The following PDE7A variants were observed in gnomAD, a reference collection of about 807,000 sequenced individuals.
The protein encoded by PDE7A is phosphodiesterase 7A, also known as high affinity 3',5'-cyclic-AMP phosphodiesterase 7A.
In PDE7A, 39 loss-of-function variants were observed where a neutral mutation model predicts 64.3. The observed-to-expected ratio is 0.61, with a 90% CI of 0.47 to 0.79. PDE7A has a LOEUF of 0.79. Ranked by LOEUF, PDE7A falls within the 30% of genes least tolerant of loss-of-function variation. PDE7A has a pLI of 0.00. For synonymous variants in PDE7A, 203 were observed against 206.8 expected (o/e 0.98, Z 0.16); for missense variants, 470 against 582.8 (o/e 0.81, Z 1.99).
Position 65,714,991 on chromosome 8 carries a change from G to A in PDE7A, c.*4299C>T, listed in dbSNP as rs1806075172. On this transcript the variant is annotated 3_prime_UTR_variant, in exon 13 of 13. Transcript: ENST00000401827. Reference sequence around the variant, plus strand: ...AACCAATTTTTCTTTTTTAAAGTTAGGACTTGTCAAAATTTTCTCTCCAAG... The same window carrying A: ...AACCAATTTTTCTTTTTTAAAGTTAAGACTTGTCAAAATTTTCTCTCCAAG... Among the ~76,000 whole-genome samples, 1 of 151,908 alleles carries A rather than the reference G, an allele frequency of 6.6e-6. No individual in the cohort carries two copies. Among genetic ancestry groups the A allele is most frequent in the South Asian group, 2.1e-4 (1 of 4,822 alleles).
chr8:65,752,934 A>G (rs1453796442), intron 3 of PDE7A, among the ~76,000 whole-genome samples: 3 of 151,960 alleles, frequency 2.0e-5, no homozygotes, highest in Non-Finnish European at 4.4e-5. Context: ...CTTCCTTTCC[A>G]TGATATATTT....
At chr8:65,811,712 G>A (rs1810262974) in intron 1 of PDE7A, among the ~76,000 whole-genome samples, 1 of 152,030 alleles carries the variant, frequency 6.6e-6, no homozygotes, top group Non-Finnish European at 1.5e-5. Flanking sequence ...AACAATTCCA[G>A]TAAAAATACT....
chr8:65,824,156 T>C (rs1227204287), intron 1 of PDE7A, among the ~76,000 whole-genome samples: 1 of 152,200 alleles, frequency 6.6e-6, no homozygotes, highest in Non-Finnish European at 1.5e-5. Context: ...TCACTTCTTA[T>C]CTCTATGTCA....
intron 3 of PDE7A, among the ~76,000 whole-genome samples, chr8:65,776,573 T>G (rs1809266001): frequency 6.6e-6 from 1 of 152,216 alleles, no homozygotes; most frequent in Non-Finnish European, 1.5e-5. Context: ...TTATCTTTAA[T>G]TTTTCTATGT....
chr8:65,726,147 G>GA (rs1292267443), intron 9 of PDE7A, among the ~76,000 whole-genome samples: 2 of 152,070 alleles, frequency 1.3e-5, no homozygotes, highest in East Asian at 3.8e-4. Context: ...CACTTTTCTT[G>GA]AAGTGGATGG....
chr8:65,805,891 T>G (rs2128928843), intron 1 of PDE7A, among the ~76,000 whole-genome samples: 1 of 152,350 alleles, frequency 6.6e-6, no homozygotes, highest in South Asian at 2.1e-4. Flanking sequence ...TATTATACTT[T>G]AAAACTTATA....
intron 12 of PDE7A, chr8:65,719,738 C>G (rs1806295059): frequency 1.0e-5 from 5 of 491,830 alleles, no homozygotes; most frequent in Admixed American, 3.3e-5. Flanking sequence ...TATATCTAAC[C>G]TTTTCTGGTT....
At chr8:65,803,517 T>C (rs892105464) in intron 1 of PDE7A, among the ~76,000 whole-genome samples, 68 of 152,322 alleles carry the variant, frequency 4.5e-4, no homozygotes, top group African/African-American at 1.6e-3. Context: ...TCCCAAGTGT[T>C]TGACAGTCTA....
At chr8:65,765,812 G>A (rs1366718240) in intron 3 of PDE7A, 1 of 152,008 alleles carries the variant, frequency 6.6e-6, no homozygotes, top group Non-Finnish European at 1.5e-5. Flanking sequence ...AATTCTAATG[G>A]GCATGCATAA....
In PDE7A at chr8:65,739,532, A is replaced by G; in HGVS notation, c.565T>C (p.Leu189=). Residue 189 remains leucine, a synonymous_variant, in exon 6 of 13, where the codon TTA becomes CTA. Coordinates refer to ENST00000401827, the MANE Select transcript of PDE7A (RefSeq NM_001242318.3). ...SLHGLIEYFH[L]DMMKLRRFLV... ...AATCTACGAAGTTTCATCATATCTA[A>G]ATGGAAGTACTCAATTAATCCATGA... is the stretch of plus-strand genomic sequence containing the variant. 5.7e-6 allele frequency: 9 copies of G among 1,570,950 alleles called. No homozygotes were observed. Among genetic ancestry groups the G allele is most frequent in the Non-Finnish European group, 7.7e-6 (9 of 1,163,336 alleles).
rs1281924806 is a variant in PDE7A at position 65,777,140 on chromosome 8, T to C, written c.283+2580A>G. ...TCTTGTTGCCCAGACTGGAGTGCAA[T>C]GCAATCCTGGCTAACCGCAACCTCT... is the stretch of plus-strand genomic sequence containing the variant. On this transcript the variant is annotated intron_variant, in intron 3 of 12. Transcript: ENST00000401827. 2.1e-5 allele frequency among the ~76,000 whole-genome samples: 3 copies of C among 146,232 alleles called. No individual in the cohort carries two copies. In the East Asian group the frequency reaches 6.2e-4, roughly 30 times the overall value.
intron 6 of PDE7A, among the ~76,000 whole-genome samples, chr8:65,737,494 T>C (rs913960230): frequency 3.9e-5 from 6 of 152,032 alleles, no homozygotes; most frequent in Non-Finnish European, 7.4e-5. Context: ...TTAGCAAAAA[T>C]GGTTATATTA....
intron 1 of PDE7A, among the ~76,000 whole-genome samples, chr8:65,812,100 A>C (rs1810270953): frequency 6.6e-6 from 1 of 151,792 alleles, no homozygotes; most frequent in African/African-American, 2.4e-5. Flanking sequence ...CCGGCTACTC[A>C]GGAGTCTGAG....
intron 1 of PDE7A, among the ~76,000 whole-genome samples, chr8:65,821,067 A>G (rs896605343): frequency 2.6e-5 from 4 of 152,312 alleles, no homozygotes; most frequent in African/African-American, 9.6e-5. Flanking sequence ...GCATTCTTTA[A>G]TAAGAATTAT....
chr8:65,719,809 ACT>A, intron 12 of PDE7A: 1 of 324,388 alleles, frequency 3.1e-6, no homozygotes, highest in East Asian at 6.8e-5. Flanking sequence ...GCCCATCTAA[ACT>A]CTGAGGATAC....
chr8:65,779,775 T>C lies in PDE7A; in HGVS notation c.228A>G (p.Gly76=). The change falls in exon 3 of 13, where the codon GGA becomes GGG. Residue 76 remains glycine, a synonymous_variant. Coordinates refer to ENST00000401827, the MANE Select transcript of PDE7A (RefSeq NM_001242318.3). ...GAGAACCTCTTCTTTCTGATTCAAA[T>C]CCTGCTCGGCTCCTTACACGTACAT... The part of the protein sequence containing the change: ...LGDVRVRSRA[G]FESERRGSHP... 6.2e-7 allele frequency: 1 copy of C among 1,601,912 alleles called. No homozygotes were observed. The highest frequency in any genetic ancestry group is 8.5e-7 in the Non-Finnish European group (1 of 1,172,010).
At chr8:65,767,807 T>A (rs1325932927) in intron 3 of PDE7A, among the ~76,000 whole-genome samples, 1 of 152,178 alleles carries the variant, frequency 6.6e-6, no homozygotes, top group East Asian at 1.9e-4. Context: ...TCCTTTGCAA[T>A]ATCCTTGATA....
chr8:65,726,330 A>T (rs1056201266), intron 9 of PDE7A, among the ~76,000 whole-genome samples: 3 of 149,650 alleles, frequency 2.0e-5, no homozygotes, highest in Non-Finnish European at 3.0e-5. Context: ...TAGCCCATTT[A>T]TTTTTTTTTC....
chr8:65,740,221 C>T (rs950590581), intron 5 of PDE7A, among the ~76,000 whole-genome samples: 3 of 152,086 alleles, frequency 2.0e-5, no homozygotes, highest in African/African-American at 4.8e-5. Flanking sequence ...GCTACAAACT[C>T]GTAGTCAACA....
Sources: gnomAD v4.1 joint callset for allele counts (sites outside exome capture counted in the v4.1 genomes callset) on GRCh38, gnomAD v4.1.1 for gene constraint, MANE v1.5 for transcripts, NCBI Gene and HGNC (gene_info 2026-07-23, HGNC 2026-07-21) for gene names.